ADAM17: variants seen among roughly 807,000 people sequenced by gnomAD.
The protein encoded by ADAM17 is ADAM metallopeptidase domain 17, also known as disintegrin and metalloproteinase domain-containing protein 17.
In ADAM17, 39 loss-of-function variants were observed where a neutral mutation model predicts 96.7. The ratio of observed to expected loss-of-function variants is 0.40; its 90% CI spans 0.31 to 0.53. ADAM17 has a LOEUF of 0.53. Among genes scored for constraint, ADAM17 ranks in the 20% least tolerant of loss-of-function variants. The probability of loss-of-function intolerance (pLI) is 0.44; values close to 1 mark genes in which losing one functional copy is unlikely to be tolerated. For synonymous variants in ADAM17, 344 were observed against 359.2 expected, an observed-to-expected ratio of 0.96 and a Z score of 0.48; for missense variants, 777 against 1,013.2, an observed-to-expected ratio of 0.77 and a Z score of 3.17.
chr2:9,522,830 GAAAGAACCT>G (rs569907616), intron 7 of ADAM17, among the ~76,000 whole-genome samples: 90 of 152,204 alleles, frequency 5.9e-4, no homozygotes, highest in Non-Finnish European at 1.1e-3. Flanking sequence ...TATCTGAGAG[GAAAGAACCT>G]AAAGGTTCTG....
At chr2:9,503,410 T>C (rs1056950854) in intron 12 of ADAM17, among the ~76,000 whole-genome samples, 1 of 152,202 alleles carries the variant, frequency 6.6e-6, no homozygotes, top group African/African-American at 2.4e-5. Flanking sequence ...ACTATTCCAG[T>C]ATATAGAATC....
chr2:9,545,873 T>C (rs1384292266), intron 1 of ADAM17, among the ~76,000 whole-genome samples: 13 of 151,812 alleles, frequency 8.6e-5, no homozygotes, highest in South Asian at 2.1e-4. Flanking sequence ...GTGAGAGAAT[T>C]GCTTGACCCA....
At chr2:9,516,681 A>AC (rs1664075293) in intron 10 of ADAM17, among the ~76,000 whole-genome samples, 1 of 152,126 alleles carries the variant, frequency 6.6e-6, no homozygotes, top group South Asian at 2.1e-4. Flanking sequence ...TGAACCCAGA[A>AC]GGCAGAGGTT....
Position 9,505,311 on chromosome 2 carries a change from G to C in ADAM17, c.1399C>G (p.Gln467Glu). 1 of 1,614,022 alleles carries C rather than the reference G, an allele frequency of 6.2e-7. No homozygotes were observed. Among genetic ancestry groups the C allele is most frequent in the Non-Finnish European group, 8.5e-7 (1 of 1,180,018 alleles). The change falls in exon 12 of 19, where the codon CAG becomes GAG. Residue 467 changes from glutamine (Q) to glutamate (E), a missense_variant. This residue lies in a region of ADAM17 where 446 missense variants were observed against 664.7 expected (regional missense o/e 0.67). Transcript: ENST00000310823. Reference protein sequence around the residue: ...SIYKTIESKAQECFQERSNKV... With the variant: ...SIYKTIESKAEECFQERSNKV... ...TTGCTGCGTTCTTGAAAACACTCCT[G>C]GGCCTTACTTTCAATGGTCTTATAG...
chr2:9,539,828 T>C (rs988952707), intron 2 of ADAM17, among the ~76,000 whole-genome samples: 3 of 152,232 alleles, frequency 2.0e-5, no homozygotes, highest in Non-Finnish European at 4.4e-5. Flanking sequence ...TTGGCCTCAA[T>C]CTTTGAATCC....
Position 9,543,242 on chromosome 2 carries a change from TAAAG to T in ADAM17, c.137_140del (p.Ser46TyrfsTer9). 6.2e-7 allele frequency: 1 copy of T among 1,609,482 alleles called. No homozygotes were observed. The highest frequency in any genetic ancestry group is 8.5e-7 in the Non-Finnish European group (1 of 1,177,896). ...TTACCGAATGCTGCTGGATATTAGATAAAGAGAGAATATCGTAGTCTGAGAGCAA... is the reference window on the plus strand; with the variant it reads ...TTACCGAATGCTGCTGGATATTAGATAGAGAATATCGTAGTCTGAGAGCAA... On this transcript the variant is annotated frameshift_variant, in exon 2 of 19. Coordinates refer to ENST00000310823, the MANE Select transcript of ADAM17 (RefSeq NM_003183.6). LOFTEE classifies it high-confidence loss of function.
intron 11 of ADAM17, among the ~76,000 whole-genome samples, chr2:9,509,535 C>A (rs1206854813): frequency 6.6e-6 from 1 of 152,080 alleles, no homozygotes; most frequent in Non-Finnish European, 1.5e-5. Context: ...CAAGGAAGGG[C>A]CTTTCTCCCA....
intron 2 of ADAM17, among the ~76,000 whole-genome samples, chr2:9,537,459 CG>C (rs1665001368): frequency 6.6e-6 from 1 of 152,168 alleles, no homozygotes; most frequent in Non-Finnish European, 1.5e-5. Context: ...TGCGGCCGTG[CG>C]TAGTGGCTCA....
chr2:9,529,537 T>C (rs1010020647), intron 4 of ADAM17, among the ~76,000 whole-genome samples: 17 of 151,988 alleles, frequency 1.1e-4, no homozygotes, highest in Admixed American at 9.8e-4. Context: ...CAAATCTAAA[T>C]AGACAGTAGA....
intron 10 of ADAM17, among the ~76,000 whole-genome samples, chr2:9,513,454 C>A (rs1663853122): frequency 6.6e-6 from 1 of 152,176 alleles, no homozygotes; most frequent in South Asian, 2.1e-4. Flanking sequence ...GAGGCTCAGA[C>A]TTGTAACTGG....
chr2:9,514,601 C>T (rs1663959423), intron 10 of ADAM17, among the ~76,000 whole-genome samples: 1 of 140,894 alleles, frequency 7.1e-6, no homozygotes, highest in Admixed American at 7.6e-5. Flanking sequence ...AGGCCAGGCA[C>T]GGTGGCTCAC....
In ADAM17 at chr2:9,518,259, CAAAAAAAAAA is replaced by C. The variant is rs34863481; in HGVS notation, c.958-22_958-13del. On this transcript the variant is annotated splice_polypyrimidine_tract_variant and intron_variant, in intron 8 of 18. Transcript: ENST00000310823. ...TCAAAGCTAAATTGCTTTGAAAGAC[CAAAAAAAAAA>C]AAAAAAAAAAAAGCATTCTTAGATT... The C allele has an allele frequency of 5.9e-5, 48 of 817,294 alleles. No homozygotes were observed. The highest frequency in any genetic ancestry group is 1.1e-4 in the East Asian group (2 of 18,222). The allele number at this position is 817,294 out of a possible 1,614,324, so 50.6% of individuals were successfully genotyped here.
intron 13 of ADAM17, among the ~76,000 whole-genome samples, chr2:9,498,093 G>A (rs1662750963): frequency 6.6e-6 from 1 of 152,182 alleles, no homozygotes; most frequent in Admixed American, 6.5e-5. Context: ...GCAGGGGTGT[G>A]ATCATAGCTT....
At chr2:9,527,702 T>C in intron 5 of ADAM17, 84 bp downstream of exon 5, 4 of 971,826 alleles carry the variant, frequency 4.1e-6, no homozygotes, top group Non-Finnish European at 5.7e-6. Flanking sequence ...AATCATGTTA[T>C]TTTTTAACAA....
Position 9,552,751 on chromosome 2 carries a change from A to T in ADAM17, c.97+2758T>A, listed in dbSNP as rs149393128. ...GCTGCAACTTCAACAAGATATCATC[A>T]TGACTAAGCTCATATGACTCATAAC... On this transcript the variant is annotated intron_variant, in intron 1 of 18. Coordinates refer to ENST00000310823, the MANE Select transcript of ADAM17 (RefSeq NM_003183.6). Among the ~76,000 whole-genome samples the T allele has an allele frequency of 2.7e-3, 416 of 152,348 alleles. 9 individuals carry two copies. Among genetic ancestry groups the T allele is most frequent in the Non-Finnish European group, 5.3e-4 (36 of 68,034 alleles).
rs1213441224 is a variant in ADAM17 at position 9,489,999 on chromosome 2, T to A, written c.*178A>T. The A allele has an allele frequency of 1.8e-6, 1 of 565,330 alleles. No homozygotes were observed. The highest frequency in any genetic ancestry group is 3.0e-6 in the Non-Finnish European group (1 of 331,922). 35.0% of individuals were successfully genotyped at this position (565,330 alleles called of 1,614,324 possible). On this transcript the variant is annotated 3_prime_UTR_variant, in exon 19 of 19. Transcript: ENST00000310823. ...AGCTAGATTCACCTTCACCTTACCTTTTCAAAAGGAGAAGGGCCAAACCAC... is the reference window on the plus strand; with the variant it reads ...AGCTAGATTCACCTTCACCTTACCTATTCAAAAGGAGAAGGGCCAAACCAC...
At chr2:9,526,089 C>T (rs1200736018) in intron 6 of ADAM17, 22 bp downstream of exon 6, 15 of 1,568,634 alleles carry the variant, frequency 9.6e-6, no homozygotes, top group Admixed American at 5.6e-5. Flanking sequence ...TTCAATTACT[C>T]GATGCAATAT....
chr2:9,536,582 C>G, intron 3 of ADAM17, 116 bp downstream of exon 3: 1 of 1,379,262 alleles, frequency 7.3e-7, no homozygotes, highest in South Asian at 1.5e-5. Flanking sequence ...CAAAGAATAG[C>G]ACTTCTATGA....
At chr2:9,538,334 A>T (rs1572952295) in intron 2 of ADAM17, among the ~76,000 whole-genome samples, 2 of 152,224 alleles carry the variant, frequency 1.3e-5, no homozygotes, top group Non-Finnish European at 2.9e-5. Flanking sequence ...AGAAATCTAG[A>T]CTGGGACTAT....
Sources: gnomAD v4.1 joint callset for allele counts (sites outside exome capture counted in the v4.1 genomes callset) on GRCh38, gnomAD v4.1.1 for gene constraint, gnomAD v4.1.1 regional missense constraint, MANE v1.5 for transcripts, NCBI Gene and HGNC (gene_info 2026-07-23, HGNC 2026-07-21) for gene names.